The following CDCA2 variants were observed in gnomAD, a reference collection of about 807,000 sequenced individuals.
CDCA2 encodes cell division cycle associated 2, also known as cell division cycle-associated protein 2.
Under a neutral mutation model 67.0 loss-of-function variants are expected in CDCA2, and 44 were observed. That is an observed-to-expected ratio of 0.66 (90% CI 0.52 to 0.84). The LOEUF is 0.84. Among genes scored for constraint, CDCA2 ranks in the 40% least tolerant of loss-of-function variants. The pLI is 0.00. For missense variants in CDCA2, 1,253 were observed against 1,203.2 expected (o/e 1.04, Z -0.61); for synonymous variants, 447 against 418.7 (o/e 1.07, Z -0.82).
Position 25,507,059 on chromosome 8 carries a change from T to C in CDCA2, c.2393T>C (p.Ile798Thr), listed in dbSNP as rs909911886. The part of the protein sequence containing the change: ...KDCHCLGDVL[I>T]ENTKESKSQS... ...TGTCATTGTTTAGGAGATGTCTTAA[T>C]TGAAAATACGAAAGAATCTAAAAGC... is the stretch of plus-strand genomic sequence containing the variant. Residue 798 changes from isoleucine (I) to threonine (T), a missense_variant, in exon 15 of 15, where the codon ATT (isoleucine) becomes ACT (threonine). Coordinates refer to ENST00000330560, the MANE Select transcript of CDCA2 (RefSeq NM_152562.4). 1 of 1,613,826 alleles carries C rather than the reference T, an allele frequency of 6.2e-7. No individual in the cohort carries two copies. Among genetic ancestry groups the C allele is most frequent in the African/African-American group, 1.3e-5 (1 of 74,870 alleles).
chr8:25,484,318 A>G, intron 10 of CDCA2, 108 bp downstream of exon 10: 1 of 1,376,548 alleles, frequency 7.3e-7, no homozygotes, highest in Admixed American at 2.2e-5. Context: ...AGACTAAATG[A>G]TATGCCATGG....
chr8:25,498,281 C>T (rs1321208234), intron 13 of CDCA2, among the ~76,000 whole-genome samples: 3 of 152,072 alleles, frequency 2.0e-5, no homozygotes, highest in Non-Finnish European at 1.5e-5. Context: ...GATCTCGGCT[C>T]ACTGCAACCT....
intron 13 of CDCA2, among the ~76,000 whole-genome samples, chr8:25,499,294 A>ATTT (rs34849682): frequency 4.8e-5 from 4 of 83,232 alleles, no homozygotes; most frequent in African/African-American, 9.7e-5. Flanking sequence ...ATGTCCATGA[A>ATTT]TTTTTTTTTT....
chr8:25,496,710 A>G (rs999831511), intron 13 of CDCA2, among the ~76,000 whole-genome samples: 6 of 152,114 alleles, frequency 3.9e-5, no homozygotes, highest in Admixed American at 6.5e-5. Flanking sequence ...TAAAACCACA[A>G]TGAGATATCA....
chr8:25,505,298 T>C (rs1348822488), intron 14 of CDCA2, among the ~76,000 whole-genome samples: 1 of 152,122 alleles, frequency 6.6e-6, no homozygotes, highest in East Asian at 1.9e-4. Flanking sequence ...ACCTCCTGGG[T>C]ACCAGCAATT....
chr8:25,495,337 C>G (rs1804171702), intron 13 of CDCA2, among the ~76,000 whole-genome samples: 1 of 152,010 alleles, frequency 6.6e-6, no homozygotes, highest in Non-Finnish European at 1.5e-5. Context: ...CAAAATTTGA[C>G]AAATTCTTAC....
Position 25,503,467 on chromosome 8 carries a change from T to G in CDCA2, c.1766T>G (p.Leu589Arg). Residue 589 changes from leucine to arginine, a missense_variant, in exon 14 of 15, where the codon CTC (leucine) becomes CGC (arginine). Coordinates refer to ENST00000330560, the MANE Select transcript of CDCA2 (RefSeq NM_152562.4). The stretch of plus-strand genomic sequence containing the variant: ...AGAGACATTGCTTCTAAGAAGCCCC[T>G]CCTCAGTCCTATTCCCGAGCTGCCT... The part of the protein sequence containing the change: ...GERDIASKKP[L>R]LSPIPELPEV... The G allele has an allele frequency of 1.9e-6, 3 of 1,613,824 alleles. No homozygotes were observed. The highest frequency in any genetic ancestry group is 2.5e-6 in the Non-Finnish European group (3 of 1,179,728).
At chr8:25,459,551 A>G (rs1802590565) in intron 1 of CDCA2, 78 bp downstream of exon 1, 1 of 152,580 alleles carries the variant, frequency 6.6e-6, no homozygotes, top group South Asian at 2.1e-4. Context: ...ACCCTGCAGC[A>G]CAGAATTAGT....
intron 4 of CDCA2, among the ~76,000 whole-genome samples, chr8:25,463,406 T>TAA (rs1802778018): frequency 1.3e-5 from 2 of 152,180 alleles, no homozygotes; most frequent in African/African-American, 2.4e-5. Context: ...TATAACATCA[T>TAA]AAAACAATGC....
Position 25,506,730 on chromosome 8 carries a change from T to C in CDCA2, c.2064T>C (p.Asn688=). 1 of 1,612,048 alleles carries C rather than the reference T, an allele frequency of 6.2e-7. No homozygotes were observed. Among genetic ancestry groups the C allele is most frequent in the South Asian group, 1.1e-5 (1 of 90,512 alleles). ...PNTNIMNINE[N]KNIPKAKNKS... ...CAAATATAATGAACATTAATGAAAA[T>C]AAAAATATTCCAAAAGCAAAAAATA... Residue 688 remains asparagine (N), a synonymous_variant, in exon 15 of 15, where the codon AAT becomes AAC. Transcript: ENST00000330560.
intron 11 of CDCA2, among the ~76,000 whole-genome samples, 178 bp from the exon 12 acceptor site, chr8:25,487,068 A>C (rs750029972): frequency 6.5e-4 from 28 of 43,342 alleles, no homozygotes; most frequent in Non-Finnish European, 5.3e-4. Flanking sequence ...AGTAAACTTA[A>C]AATTTTTTAA....
intron 13 of CDCA2, among the ~76,000 whole-genome samples, chr8:25,492,577 T>G (rs1804054537): frequency 6.6e-6 from 1 of 152,204 alleles, no homozygotes; most frequent in African/African-American, 2.4e-5. Context: ...AAGGAAACAT[T>G]ACTGTGATTT....
At chr8:25,504,637 A>G (rs1489553520) in intron 14 of CDCA2, among the ~76,000 whole-genome samples, 1 of 152,220 alleles carries the variant, frequency 6.6e-6, no homozygotes, top group Non-Finnish European at 1.5e-5. Flanking sequence ...AGGATAGCAC[A>G]GGAGTTTAAA....
chr8:25,461,123 C>T (rs139449288), intron 3 of CDCA2, among the ~76,000 whole-genome samples: 5,361 of 151,810 alleles, frequency 0.035, 139 homozygotes, highest in Middle Eastern at 0.065. Context: ...CAAAATTAGC[C>T]GGGCATGGTG....
upstream of CDCA2, chr8:25,459,025 G>A (rs1349738354): frequency 6.6e-6 from 1 of 152,312 alleles, no homozygotes; most frequent in Non-Finnish European, 1.5e-5. Context: ...GCAGTGGCAG[G>A]TGTCTGTAGT....
chr8:25,501,976 C>T (rs1335601240), intron 13 of CDCA2, among the ~76,000 whole-genome samples: 1 of 152,204 alleles, frequency 6.6e-6, no homozygotes, highest in Non-Finnish European at 1.5e-5. Context: ...CGGCTCACTG[C>T]AACCTCTGCC....
chr8:25,476,618 C>T (rs1803361202), intron 7 of CDCA2, among the ~76,000 whole-genome samples: 1 of 151,448 alleles, frequency 6.6e-6, no homozygotes, highest in African/African-American at 2.4e-5. Flanking sequence ...AATGGTGCGG[C>T]CCCAGCTCAC....
At position 25,468,118 on chromosome 8, in the gene CDCA2, CAAAAAAAAAAAA is replaced by C. The variant is rs60060887; in HGVS notation, c.539-89_539-78del. On this transcript the variant is annotated intron_variant, in intron 5 of 14. Transcript: ENST00000330560. ...GGGCGACAAGAGTGAAACTCCGTCT[CAAAAAAAAAAAA>C]AAAAAAAAAGAAAAGAAAAAAAATA... 1.9e-4 allele frequency: 30 copies of C among 159,788 alleles called. 1 individual carries two copies. In the Middle Eastern group the frequency reaches 0.014, roughly 76 times the overall value. 9.9% of individuals were successfully genotyped at this position (159,788 alleles called of 1,614,324 possible). A position where few individuals can be genotyped will look rare whatever the true frequency, so the allele number is the denominator to read the frequency against.
At chr8:25,471,708 T>A (rs1046315870) in intron 7 of CDCA2, among the ~76,000 whole-genome samples, 8 of 152,112 alleles carry the variant, frequency 5.3e-5, no homozygotes, top group African/African-American at 1.9e-4. Flanking sequence ...TGCGTAGGAG[T>A]GACAGATTCT....
Sources: gnomAD v4.1 joint callset for allele counts (sites outside exome capture counted in the v4.1 genomes callset) on GRCh38, gnomAD v4.1.1 for gene constraint, MANE v1.5 for transcripts, NCBI Gene and HGNC (gene_info 2026-07-23, HGNC 2026-07-21) for gene names.